Variants in LHFPL3 observed in about 807,000 individuals in gnomAD.
LHFPL3 encodes LHFPL tetraspan subfamily member 3 protein.
In LHFPL3, 5 loss-of-function variants were observed where a neutral mutation model predicts 19.3. That is an observed-to-expected ratio of 0.26 (90% CI 0.14 to 0.54). The LOEUF is 0.54. Among genes scored for constraint, LHFPL3 ranks in the 20% least tolerant of loss-of-function variants. LHFPL3 has a pLI of 0.94. For missense variants in LHFPL3, 249 were observed against 307.4 expected, an observed-to-expected ratio of 0.81 and a Z score of 1.42; for synonymous variants, 133 against 126.2, an observed-to-expected ratio of 1.05 and a Z score of -0.36.
intron 1 of LHFPL3, among the ~76,000 whole-genome samples, chr7:104,414,831 A>G (rs1178872030): frequency 6.6e-6 from 1 of 152,216 alleles, no homozygotes; most frequent in Non-Finnish European, 1.5e-5. Context: ...ACTTTGACAA[A>G]TACAGATTAT....
At chr7:104,742,292 G>A (rs1793949928) in intron 2 of LHFPL3, among the ~76,000 whole-genome samples, 2 of 152,050 alleles carry the variant, frequency 1.3e-5, no homozygotes, top group Admixed American at 1.3e-4. Context: ...TCAGATAATT[G>A]GGTCCTCTCC....
chr7:104,373,208 T>A (rs1485678212), intron 1 of LHFPL3, among the ~76,000 whole-genome samples: 2 of 152,206 alleles, frequency 1.3e-5, no homozygotes, highest in East Asian at 1.9e-4. Context: ...TGTATCCCTT[T>A]GGTATATTCT....
intron 1 of LHFPL3, among the ~76,000 whole-genome samples, chr7:104,513,174 A>G (rs1407795862): frequency 6.6e-6 from 1 of 152,200 alleles, no homozygotes; most frequent in Non-Finnish European, 1.5e-5. Flanking sequence ...TTATTTTTCA[A>G]TGTATATTAC....
At chr7:104,478,445 C>T (rs967599478) in intron 1 of LHFPL3, among the ~76,000 whole-genome samples, 3 of 152,150 alleles carry the variant, frequency 2.0e-5, no homozygotes, top group African/African-American at 7.2e-5. Context: ...CTCTCCACCG[C>T]TCCATTCACA....
intron 1 of LHFPL3, among the ~76,000 whole-genome samples, chr7:104,415,344 G>A (rs371229173): frequency 1.3e-5 from 2 of 152,006 alleles, no homozygotes; most frequent in African/African-American, 4.8e-5. Flanking sequence ...TTTTTGATAC[G>A]TTTTCTTAAT....
chr7:104,453,272 G>A (rs575078128), intron 1 of LHFPL3, among the ~76,000 whole-genome samples: 2 of 151,014 alleles, frequency 1.3e-5, no homozygotes, highest in Non-Finnish European at 2.9e-5. Flanking sequence ...TAAGTTTTAG[G>A]GGTGGAGAAT....
chr7:104,805,068 G>T (rs571415042), intron 2 of LHFPL3, among the ~76,000 whole-genome samples: 35 of 152,296 alleles, frequency 2.3e-4, no homozygotes, highest in African/African-American at 7.9e-4. Context: ...CCCCTCAGGG[G>T]CCCCCATAGG....
intron 1 of LHFPL3, among the ~76,000 whole-genome samples, chr7:104,338,345 C>T (rs544318119): frequency 2.6e-5 from 4 of 152,114 alleles, no homozygotes; most frequent in Non-Finnish European, 4.4e-5. Flanking sequence ...GTGATCTGCC[C>T]GCCTCGGCCT....
At chr7:104,857,690 GA>G (rs1241485181) in intron 2 of LHFPL3, among the ~76,000 whole-genome samples, 3 of 112,698 alleles carry the variant, frequency 2.7e-5, no homozygotes, top group Non-Finnish European at 6.6e-5. Flanking sequence ...CAGTAGATTT[GA>G]AACTGAATCC....
At chr7:104,430,405 CATATATATATATACATATATATATAT>C (rs1791954659) in intron 1 of LHFPL3, among the ~76,000 whole-genome samples, 1 of 22,456 alleles carries the variant, frequency 4.5e-5, no homozygotes, top group Non-Finnish European at 7.6e-5. Context: ...TATATATATA[CATATATATATATACATATATATATAT>C]ATATATATAT....
At chr7:104,874,758 C>A (rs1161586622) in intron 2 of LHFPL3, among the ~76,000 whole-genome samples, 1 of 151,980 alleles carries the variant, frequency 6.6e-6, no homozygotes, top group African/African-American at 2.4e-5. Context: ...TTTCAAGAGG[C>A]CCTCAGAGTC....
intron 1 of LHFPL3, among the ~76,000 whole-genome samples, chr7:104,430,385 T>TATATATATATAC (rs1791942892): frequency 4.6e-5 from 2 of 43,344 alleles, no homozygotes; most frequent in Non-Finnish European, 7.4e-5. Flanking sequence ...TATATATACA[T>TATATATATATAC]ATATATATAT....
At chr7:104,586,109 T>C (rs549591769) in intron 1 of LHFPL3, among the ~76,000 whole-genome samples, 4 of 152,210 alleles carry the variant, frequency 2.6e-5, no homozygotes, top group African/African-American at 9.6e-5. Flanking sequence ...AGAACGTCCA[T>C]AAATTGTGGG....
At chr7:104,508,724 G>A (rs150829775) in intron 1 of LHFPL3, among the ~76,000 whole-genome samples, 3 of 151,366 alleles carry the variant, frequency 2.0e-5, no homozygotes, top group Non-Finnish European at 2.9e-5. Flanking sequence ...AAAAAGCAGA[G>A]CAAAATAAAC....
intron 1 of LHFPL3, among the ~76,000 whole-genome samples, chr7:104,352,000 A>G (rs1790183726): frequency 6.6e-6 from 1 of 151,980 alleles, no homozygotes; most frequent in Non-Finnish European, 1.5e-5. Flanking sequence ...GGAGTTTGAA[A>G]CCAACCCAGG....
chr7:104,771,965 T>C lies in LHFPL3; in HGVS notation c.682+35054T>C, dbSNP rs1431027793. Among the ~76,000 whole-genome samples the C allele has an allele frequency of 2.0e-5, 3 of 151,546 alleles. No individual in the cohort carries two copies. In the East Asian group the frequency reaches 5.8e-4, roughly 30 times the overall value. ...GCCTCCCAAGTAGCTGGACTATAGGTGTGTGCCACCACGCCCAGCTAAATT... is the reference window on the plus strand; with the variant it reads ...GCCTCCCAAGTAGCTGGACTATAGGCGTGTGCCACCACGCCCAGCTAAATT... On this transcript the variant is annotated intron_variant, in intron 2 of 2. Coordinates refer to ENST00000424859, the MANE Select transcript of LHFPL3 (RefSeq NM_199000.3).
intron 1 of LHFPL3, among the ~76,000 whole-genome samples, chr7:104,352,075 G>A (rs1252836915): frequency 6.6e-6 from 1 of 151,836 alleles, no homozygotes; most frequent in Non-Finnish European, 1.5e-5. Flanking sequence ...TGGGGCAGGA[G>A]GATCCTTTGA....
intron 2 of LHFPL3, among the ~76,000 whole-genome samples, chr7:104,857,414 G>T (rs182832365): frequency 6.6e-6 from 1 of 152,072 alleles, no homozygotes; most frequent in African/African-American, 2.4e-5. Flanking sequence ...GATTCATGAA[G>T]TATACAACAT....
chr7:104,650,845 A>G (rs1423939751), intron 1 of LHFPL3, among the ~76,000 whole-genome samples: 1 of 152,172 alleles, frequency 6.6e-6, no homozygotes, highest in Non-Finnish European at 1.5e-5. Context: ...GCTTATGGTG[A>G]CTCAAAATTT....
Sources: gnomAD v4.1 joint callset for allele counts (sites outside exome capture counted in the v4.1 genomes callset) on GRCh38, gnomAD v4.1.1 for gene constraint, MANE v1.5 for transcripts, NCBI Gene and HGNC (gene_info 2026-07-23, HGNC 2026-07-21) for gene names.